The following LIN9 variants were observed in gnomAD, a reference collection of about 807,000 sequenced individuals.
LIN9 encodes protein lin-9 homolog.
In LIN9, 18 loss-of-function variants were observed where a neutral mutation model predicts 78.0. The observed-to-expected ratio is 0.23, with a 90% CI of 0.16 to 0.34. The LOEUF (loss-of-function observed/expected upper bound fraction) is 0.34. Among genes scored for constraint, LIN9 ranks in the 10% least tolerant of loss-of-function variants. The probability of loss-of-function intolerance (pLI) is 1.00; values close to 1 mark genes in which losing one functional copy is unlikely to be tolerated. For missense variants in LIN9, 451 were observed against 644.1 expected, an observed-to-expected ratio of 0.70 and a Z score of 3.25; for synonymous variants, 192 against 215.2, an observed-to-expected ratio of 0.89 and a Z score of 0.94.
chr1:226,308,829 G>A lies in LIN9; in HGVS notation c.31+280C>T, dbSNP rs553816955. The A allele has an allele frequency of 4.6e-5, 11 of 239,552 alleles. No individual in the cohort carries two copies. In the South Asian group the frequency reaches 1.8e-3, roughly 39 times the overall value. The allele number at this position is 239,552 out of a possible 1,614,324, so 14.8% of individuals were successfully genotyped here. ...CACCTCGGCTGGGGGCCGGAGTGGC[G>A]CCAGGGGAGCAGCCACCGCCTCCGC... On this transcript the variant is annotated intron_variant, in intron 1 of 14. Transcript: ENST00000681046.
chr1:226,245,638 C>T (rs1471861868), intron 11 of LIN9, among the ~76,000 whole-genome samples: 1 of 149,184 alleles, frequency 6.7e-6, no homozygotes, highest in African/African-American at 2.5e-5. Context: ...GCTGGCCAGG[C>T]TGGAGTGCAG....
intron 10 of LIN9, among the ~76,000 whole-genome samples, chr1:226,263,851 C>T (rs1235017354): frequency 1.3e-5 from 2 of 152,084 alleles, no homozygotes; most frequent in South Asian, 4.2e-4. Context: ...GTGGGAGGAA[C>T]ATTTGAGCCC....
In LIN9 at chr1:226,295,292, T is replaced by C. The variant is rs1006683623; in HGVS notation, c.264+550A>G. On this transcript the variant is annotated intron_variant, in intron 4 of 14. Transcript: ENST00000681046. The stretch of plus-strand genomic sequence containing the variant: ...TGGTGAAACCCCGTCTCTACTAAAA[T>C]ATAAAAATCAGCTGGGCGTGGTGGT... Among the ~76,000 whole-genome samples the C allele has an allele frequency of 5.3e-5, 8 of 151,582 alleles. No individual in the cohort carries two copies. In the East Asian group the frequency reaches 1.4e-3, roughly 26 times the overall value.
chr1:226,276,888 T>TGAGCAGACTA (rs1485459853), intron 7 of LIN9, among the ~76,000 whole-genome samples: 5 of 152,192 alleles, frequency 3.3e-5, no homozygotes, highest in African/African-American at 1.2e-4. Context: ...TATAAAATGT[T>TGAGCAGACTA]GAGCAGACTA....
At chr1:226,250,380 A>G (rs918347912) in intron 11 of LIN9, among the ~76,000 whole-genome samples, 2 of 152,266 alleles carry the variant, frequency 1.3e-5, no homozygotes, top group Non-Finnish European at 1.5e-5. Context: ...GCAATTCTAG[A>G]CTCATGCAAA....
At chr1:226,291,131 T>C (rs1661765594) in intron 4 of LIN9, among the ~76,000 whole-genome samples, 2 of 152,206 alleles carry the variant, frequency 1.3e-5, no homozygotes, top group African/African-American at 2.4e-5. Flanking sequence ...GATCCAGCAA[T>C]TCCACATCTT....
At chr1:226,309,206 T>A, upstream of LIN9, 2 of 1,457,698 alleles carry the variant, frequency 1.4e-6, no homozygotes, top group Non-Finnish European at 1.8e-6. Flanking sequence ...GGAGACTGTC[T>A]TTGCGAGGGA....
At chr1:226,271,014 C>T (rs1406723033) in intron 7 of LIN9, among the ~76,000 whole-genome samples, 2 of 151,938 alleles carry the variant, frequency 1.3e-5, no homozygotes, top group African/African-American at 4.8e-5. Context: ...ACAAAGATTA[C>T]TTTTAGGATA....
At chr1:226,233,315 A>G (rs1262448594) in intron 13 of LIN9, 29 bp downstream of exon 13, 1 of 1,583,046 alleles carries the variant, frequency 6.3e-7, no homozygotes, top group Non-Finnish European at 8.6e-7. Flanking sequence ...TTTGTGTCAA[A>G]TTAAGAAAAT....
chr1:226,285,316 A>G (rs545693623), intron 6 of LIN9, among the ~76,000 whole-genome samples: 54 of 152,302 alleles, frequency 3.5e-4, no homozygotes, highest in African/African-American at 1.2e-3. Flanking sequence ...AAACACACTA[A>G]ATAACATATC....
At chr1:226,278,957 TAA>T (rs398053860) in intron 6 of LIN9, among the ~76,000 whole-genome samples, 44 of 115,664 alleles carry the variant, frequency 3.8e-4, no homozygotes, top group African/African-American at 1.3e-3. Flanking sequence ...CCGTCTCTAC[TAA>T]AAAAAAAAAA....
chr1:226,240,904 G>T (rs1476981299), intron 11 of LIN9, among the ~76,000 whole-genome samples: 1 of 152,184 alleles, frequency 6.6e-6, no homozygotes. Flanking sequence ...AACCCCATGA[G>T]AAAGAAGATA....
At chr1:226,305,060 C>T (rs1042789628) in intron 1 of LIN9, among the ~76,000 whole-genome samples, 1 of 151,830 alleles carries the variant, frequency 6.6e-6, no homozygotes, top group Non-Finnish European at 1.5e-5. Flanking sequence ...ATCACAGCTA[C>T]TCAGGAGGCT....
chr1:226,251,006 T>C (rs2102867214), intron 10 of LIN9, 87 bp from the exon 11 acceptor site: 3 of 658,828 alleles, frequency 4.6e-6, no homozygotes, highest in Admixed American at 2.7e-5. Context: ...TTTAGTAAGA[T>C]ACTTCAGCAA....
intron 1 of LIN9, among the ~76,000 whole-genome samples, chr1:226,303,758 C>T (rs1445550587): frequency 6.6e-6 from 1 of 152,192 alleles, no homozygotes; most frequent in Non-Finnish European, 1.5e-5. Flanking sequence ...AGGTGCATGC[C>T]ACCATACGCA....
chr1:226,265,747 C>T lies in LIN9; in HGVS notation c.937-113G>A, dbSNP rs1304191292. The T allele has an allele frequency of 2.7e-5, 15 of 558,884 alleles. No homozygotes were observed. The highest frequency in any genetic ancestry group is 5.9e-5 in the African/African-American group (3 of 51,018). 34.6% of individuals were successfully genotyped at this position (558,884 alleles called of 1,614,324 possible). On this transcript the variant is annotated intron_variant, in intron 9 of 14. Transcript: ENST00000681046. This position sits in a 1 kb window ranked among gnomAD's most constrained non-coding sequence, Gnocchi z 4.1. ...CTCGCTCTGTTGCCACTTGTGATCT[C>T]GGCTCACTGCAATCTCTGACTCCTG...
intron 10 of LIN9, among the ~76,000 whole-genome samples, chr1:226,260,105 T>TA (rs1422247476): frequency 6.6e-6 from 1 of 152,130 alleles, no homozygotes; most frequent in Non-Finnish European, 1.5e-5. Context: ...TTTAAAAAGA[T>TA]AAACTCCTTG....
At chr1:226,303,401 G>A (rs185145068) in intron 1 of LIN9, among the ~76,000 whole-genome samples, 2 of 152,082 alleles carry the variant, frequency 1.3e-5, no homozygotes, top group East Asian at 1.9e-4. Context: ...AGAAGAATAC[G>A]CAGGGTGGGG....
chr1:226,279,027 G>A (rs886293760), intron 6 of LIN9, among the ~76,000 whole-genome samples: 3 of 151,916 alleles, frequency 2.0e-5, no homozygotes, highest in Non-Finnish European at 4.4e-5. Flanking sequence ...AGGGCATGGC[G>A]GCGGGTGCCT....
Sources: gnomAD v4.1 joint callset for allele counts (sites outside exome capture counted in the v4.1 genomes callset) on GRCh38, gnomAD v4.1.1 for gene constraint, Gnocchi (gnomAD v3.1) non-coding constraint, MANE v1.5 for transcripts, NCBI Gene and HGNC (gene_info 2026-07-23, HGNC 2026-07-21) for gene names.